Variants in SURF2 observed in about 807,000 individuals in gnomAD.
SURF2 encodes surfeit 2, also known as surfeit locus protein 2.
A neutral mutation model predicts 26.2 loss-of-function variants in SURF2; 32 were observed. The observed-to-expected ratio is 1.22, with a 90% CI of 0.92 to 1.64. The LOEUF (loss-of-function observed/expected upper bound fraction) is 1.64. Among genes scored for constraint, SURF2 ranks in the 40% most tolerant of loss-of-function variants. SURF2 has a pLI of 0.00. For missense variants in SURF2, 415 were observed against 341.6 expected, an observed-to-expected ratio of 1.21 and a Z score of -1.69; for synonymous variants, 173 against 139.1, an observed-to-expected ratio of 1.24 and a Z score of -1.71.
chr9:133,357,892 AG>A, intron 3 of SURF2, 78 bp downstream of exon 3: 1 of 1,425,324 alleles, frequency 7.0e-7, no homozygotes, highest in Non-Finnish European at 9.7e-7. Flanking sequence ...GCGTGCTTGA[AG>A]GCAGGTCGTC....
intron 3 of SURF2, among the ~76,000 whole-genome samples, chr9:133,359,603 C>A (rs1014596589): frequency 6.6e-6 from 1 of 152,214 alleles, no homozygotes; most frequent in Non-Finnish European, 1.5e-5. Flanking sequence ...ACTGCCAGCC[C>A]GAGTTGCCTT....
At position 133,360,046 on chromosome 9, in the gene SURF2, G is replaced by A. The variant is rs2130046853; in HGVS notation, c.434G>A (p.Arg145His). The A allele has an allele frequency of 8.7e-6, 14 of 1,613,904 alleles. No homozygotes were observed. Among genetic ancestry groups the A allele is most frequent in the South Asian group, 2.2e-5 (2 of 91,060 alleles). ...GACCAGATGGACGGTGACGGGCCTCGCCCGCGGGAAGCCTTCTGGGAGCCC... is the reference window on the plus strand; with the variant it reads ...GACCAGATGGACGGTGACGGGCCTCACCCGCGGGAAGCCTTCTGGGAGCCC... ...REDQMDGDGP[R>H]PREAFWEPTS... is the part of the protein sequence containing the mutation. The change falls in exon 4 of 6, where the codon CGC (arginine) becomes CAC (histidine). Residue 145 changes from arginine (R) to histidine (H), a missense_variant. Transcript: ENST00000371964.
chr9:133,356,771 G>T, intron 1 of SURF2, 101 bp downstream of exon 1: 1 of 1,392,602 alleles, frequency 7.2e-7, no homozygotes, highest in South Asian at 1.4e-5. Context: ...GGAGAGGGGA[G>T]AGGGGAGAGC....
intron 2 of SURF2, chr9:133,357,350 C>T (rs1836634653): frequency 1.9e-6 from 1 of 522,790 alleles, no homozygotes; most frequent in South Asian, 2.9e-5. Context: ...CTTCCCTTAA[C>T]CCCAGAAGGG....
chr9:133,360,875 T>C (rs1421398661), intron 5 of SURF2, among the ~76,000 whole-genome samples, 181 bp from the exon 6 acceptor site: 1 of 152,238 alleles, frequency 6.6e-6, no homozygotes, highest in South Asian at 2.1e-4. Context: ...TGTACTCCTC[T>C]GAGGCCCTGC....
At chr9:133,359,481 A>G (rs1431109273) in intron 3 of SURF2, among the ~76,000 whole-genome samples, 1 of 152,134 alleles carries the variant, frequency 6.6e-6, no homozygotes, top group Non-Finnish European at 1.5e-5. Context: ...CTTCTCACCC[A>G]CTAAGGGGCA....
intron 5 of SURF2, among the ~76,000 whole-genome samples, chr9:133,360,830 G>A (rs1836754584): frequency 6.6e-6 from 1 of 152,268 alleles, no homozygotes; most frequent in Non-Finnish European, 1.5e-5. Context: ...AAGGCCAAAA[G>A]AGGACAAGGT....
intron 3 of SURF2, among the ~76,000 whole-genome samples, chr9:133,358,059 G>A (rs1199673170): frequency 2.0e-5 from 3 of 152,178 alleles, no homozygotes; most frequent in Admixed American, 2.0e-4. Flanking sequence ...AGGTGTGAAA[G>A]AAACTGGGCG....
rs2130037229 is a variant in SURF2 at position 133,357,831 on chromosome 9, C to A, written c.337+17C>A. 1 of 1,611,214 alleles carries A rather than the reference C, an allele frequency of 6.2e-7. No individual in the cohort carries two copies. The highest frequency in any genetic ancestry group is 1.7e-5 in the Admixed American group (1 of 59,956). ...TGTGTAAATGTAAGTCCCAGTGGAC[C>A]CCCATCAGTGCATCGCCATCTGAGT... On this transcript the variant is annotated intron_variant, in intron 3 of 5. Transcript: ENST00000371964.
chr9:133,357,723 C>G lies in SURF2; in HGVS notation c.246C>G (p.Phe82Leu), dbSNP rs2130035856. 1 of 1,613,794 alleles carries G rather than the reference C, an allele frequency of 6.2e-7. No individual in the cohort carries two copies. The highest frequency in any genetic ancestry group is 2.2e-5 in the East Asian group (1 of 44,886). ...CTCTGCTCTGTAGGCACCAGTTGTT[C>G]TGCAAACTCACCCTGCGGCACATCA... ...VPSTKNPHQL[F>L]CKLTLRHINK... Residue 82 changes from phenylalanine to leucine, a missense_variant, in exon 3 of 6, where the codon TTC (phenylalanine) becomes TTG (leucine). By Grantham distance (22) the Phe-to-Leu change is conservative. Coordinates refer to ENST00000371964, the MANE Select transcript of SURF2 (RefSeq NM_017503.5).
chr9:133,360,344 T>C lies in SURF2; in HGVS notation c.597T>C (p.Asp199=). Reference sequence around the variant, plus strand: ...ATGACTTTTTGACAGACAAAGAGGATGAGAAGGCAAAGCCCCCAAGAGAGA... The same window carrying C: ...ATGACTTTTTGACAGACAAAGAGGACGAGAAGGCAAAGCCCCCAAGAGAGA... ...GTDDFLTDKE[D]EKAKPPREKA... Residue 199 remains aspartate, a synonymous_variant, in exon 5 of 6, where the codon GAT becomes GAC. Transcript: ENST00000371964. The C allele has an allele frequency of 3.1e-6, 5 of 1,613,934 alleles. No individual in the cohort carries two copies. The highest frequency in any genetic ancestry group is 4.2e-6 in the Non-Finnish European group (5 of 1,179,988).
intron 5 of SURF2, 36 bp downstream of exon 5, chr9:133,360,470 CTTCCCCTAGTGA>C (rs1836737995): frequency 6.5e-7 from 1 of 1,548,132 alleles, no homozygotes; most frequent in East Asian, 2.3e-5. Context: ...GTGGCAGTGG[CTTCCCCTAGTGA>C]TGGTTTTCCA....
chr9:133,356,844 G>A lies in SURF2; in HGVS notation c.79-70G>A. ...ATCAGGGGAGGAGAGGGAAGGGGGC[G>A]CGGCAGGAGGGGGCACCAGGGAGCG... is the stretch of plus-strand genomic sequence containing the variant. On this transcript the variant is annotated intron_variant, in intron 1 of 5. Coordinates refer to ENST00000371964, the MANE Select transcript of SURF2 (RefSeq NM_017503.5). 2.1e-6 allele frequency: 3 copies of A among 1,460,454 alleles called. No homozygotes were observed. The South Asian group carries it at 4.1e-5, about 20-fold the overall frequency. 90.5% of individuals were successfully genotyped at this position (1,460,454 alleles called of 1,614,324 possible).
At chr9:133,358,420 G>A (rs1464780889) in intron 3 of SURF2, among the ~76,000 whole-genome samples, 2 of 152,138 alleles carry the variant, frequency 1.3e-5, no homozygotes, top group Non-Finnish European at 2.9e-5. Context: ...TTTGGGGGGA[G>A]AATTCAGAGT....
At position 133,356,776 on chromosome 9, in the gene SURF2, G is replaced by A. The variant is rs1588694528; in HGVS notation, c.78+106G>A. On this transcript the variant is annotated intron_variant, in intron 1 of 5. Transcript: ENST00000371964. ...AGAGGGCAGGGGAGAGGGGAGAGGG[G>A]AGAGCAGGAGAGAGGGGAGGGCAGG... The A allele has an allele frequency of 2.2e-5, 30 of 1,362,618 alleles. No individual in the cohort carries two copies. In the East Asian group the frequency reaches 7.8e-4, roughly 35 times the overall value. The allele number at this position is 1,362,618 out of a possible 1,614,324, so 84.4% of individuals were successfully genotyped here. A position where few individuals can be genotyped will look rare whatever the true frequency, so the allele number is the denominator to read the frequency against.
At chr9:133,356,827 A>T in intron 1 of SURF2, 87 bp from the exon 2 acceptor site, 1 of 1,429,298 alleles carries the variant, frequency 7.0e-7, no homozygotes. Context: ...GGATCAGGGG[A>T]GGAGAGGGAA....
rs2130032225 is a variant in SURF2, at chr9:133,357,026, A to C, written c.191A>C (p.Tyr64Ser). The change falls in exon 2 of 6, where the codon TAT becomes TCT. Residue 64 changes from tyrosine to serine, a missense_variant. Tyr to Ser is a moderately radical substitution (Grantham distance 144). Coordinates refer to ENST00000371964, the MANE Select transcript of SURF2 (RefSeq NM_017503.5). ...RLVRASPAFD[Y>S]AEFEPHIVPS... ...GTCCGCGCCTCCCCGGCCTTCGACT[A>C]TGCAGAGTTCGAGCCGCACATCGTG... 1 of 1,576,744 alleles carries C rather than the reference A, an allele frequency of 6.3e-7. No individual in the cohort carries two copies. The highest frequency in any genetic ancestry group is 8.6e-7 in the Non-Finnish European group (1 of 1,162,826).
chr9:133,359,180 G>A (rs1836684878), intron 3 of SURF2, among the ~76,000 whole-genome samples: 1 of 152,204 alleles, frequency 6.6e-6, no homozygotes, highest in East Asian at 1.9e-4. Flanking sequence ...CAAGGCAGTG[G>A]TCCAGGGAAG....
chr9:133,360,692 C>T (rs1014536966), intron 5 of SURF2, among the ~76,000 whole-genome samples: 3 of 152,252 alleles, frequency 2.0e-5, no homozygotes, highest in African/African-American at 7.2e-5. Flanking sequence ...CCTCCTACCT[C>T]AGACTATGAG....
Sources: gnomAD v4.1 joint callset for allele counts (sites outside exome capture counted in the v4.1 genomes callset) on GRCh38, gnomAD v4.1.1 for gene constraint, MANE v1.5 for transcripts, NCBI Gene and HGNC (gene_info 2026-07-23, HGNC 2026-07-21) for gene names.